Variants in PLAGL2 observed in about 807,000 individuals in gnomAD.
The protein encoded by PLAGL2 is PLAG1 like zinc finger 2.
PLAGL2 carries 7 observed loss-of-function variants against 29.0 expected under a neutral mutation model. The ratio of observed to expected loss-of-function variants is 0.24; its 90% CI spans 0.14 to 0.45. The LOEUF is 0.45. Among genes scored for constraint, PLAGL2 ranks in the 20% least tolerant of loss-of-function variants. PLAGL2 has a pLI of 0.99. For synonymous variants in PLAGL2, 234 were observed against 266.0 expected (o/e 0.88, Z 1.17); for missense variants, 454 against 648.2 (o/e 0.70, Z 3.25).
chr20:32,199,404 G>A (rs1346918894), intron 2 of PLAGL2, among the ~76,000 whole-genome samples: 1 of 152,204 alleles, frequency 6.6e-6, no homozygotes, highest in African/African-American at 2.4e-5. Flanking sequence ...TTTTGCAGGT[G>A]AGGAAACTGA....
At chr20:32,201,215 T>G (rs1233644881) in intron 2 of PLAGL2, among the ~76,000 whole-genome samples, 3 of 152,170 alleles carry the variant, frequency 2.0e-5, no homozygotes, top group Admixed American at 2.0e-4. Flanking sequence ...CCTTCTAAAG[T>G]TCGAATACTG....
Position 32,193,338 on chromosome 20 carries a change from T to G in PLAGL2, c.*3114A>C, listed in dbSNP as rs2047210813. 6.6e-6 allele frequency: 1 copy of G among 152,188 alleles called. No homozygotes were observed. The highest frequency in any genetic ancestry group is 1.5e-5 in the Non-Finnish European group (1 of 68,038). 9.4% of individuals were successfully genotyped at this position (152,188 alleles called of 1,614,324 possible). A position where few individuals can be genotyped will look rare whatever the true frequency, so the allele number is the denominator to read the frequency against. ...CTACGAGCAAAAAAGTAATCACACCTGCTTCCCGGATTTTCAATTAAGAAA... is the reference window on the plus strand; with the variant it reads ...CTACGAGCAAAAAAGTAATCACACCGGCTTCCCGGATTTTCAATTAAGAAA... On this transcript the variant is annotated 3_prime_UTR_variant, in exon 3 of 3. Coordinates refer to ENST00000246229, the MANE Select transcript of PLAGL2 (RefSeq NM_002657.3).
intron 2 of PLAGL2, among the ~76,000 whole-genome samples, chr20:32,199,378 C>T (rs1349609023): frequency 1.3e-5 from 2 of 152,200 alleles, no homozygotes; most frequent in Non-Finnish European, 2.9e-5. Context: ...GAGTGATCCA[C>T]TTTTCATTTC....
At position 32,207,706 on chromosome 20, in the gene PLAGL2, G is replaced by C. The variant is rs1353526701; in HGVS notation, c.-180C>G. The C allele has an allele frequency of 3.5e-6, 1 of 289,148 alleles. No individual in the cohort carries two copies. Among genetic ancestry groups the C allele is most frequent in the African/African-American group, 2.2e-5 (1 of 44,466 alleles). The allele number at this position is 289,148 out of a possible 1,614,324, so 17.9% of individuals were successfully genotyped here. A position where few individuals can be genotyped will look rare whatever the true frequency, so the allele number is the denominator to read the frequency against. ...GCTCCGCCAGGCCCCCTCAGGCCCC[G>C]GTAGTGGCGGCGGTCGGGCCATTGT... On this transcript the variant is annotated 5_prime_UTR_variant, in exon 1 of 3. Transcript: ENST00000246229.
In PLAGL2 at chr20:32,192,946, T is replaced by C. The variant is rs531568182; in HGVS notation, c.*3506A>G. On this transcript the variant is annotated 3_prime_UTR_variant, in exon 3 of 3. Transcript: ENST00000246229. ...CCTCTATGGAGGCACTAGGTTATCA[T>C]GGTGAACACCCTTTTCCCTCGCCAT... 16 of 152,732 alleles carry C rather than the reference T, an allele frequency of 1.0e-4. No individual in the cohort carries two copies. The highest frequency in any genetic ancestry group is 6.5e-4 in the Admixed American group (10 of 15,302). 9.5% of individuals were successfully genotyped at this position (152,732 alleles called of 1,614,324 possible).
chr20:32,205,598 T>C (rs1016887035), intron 1 of PLAGL2, among the ~76,000 whole-genome samples: 12 of 152,214 alleles, frequency 7.9e-5, no homozygotes, highest in African/African-American at 2.7e-4. Flanking sequence ...GATGAAACTA[T>C]AGTTTTTATG....
rs184828421 is a variant in PLAGL2 at position 32,192,630 on chromosome 20, C to T, written c.*3822G>A. 2.6e-5 allele frequency: 4 copies of T among 152,730 alleles called. No individual in the cohort carries two copies. Among genetic ancestry groups the T allele is most frequent in the Non-Finnish European group, 4.4e-5 (3 of 68,030 alleles). 9.5% of individuals were successfully genotyped at this position (152,730 alleles called of 1,614,324 possible). Reference sequence around the variant, plus strand: ...ATGCCCTGTGCATTTTCTAATGGCACTTATACTTTACAATTAAAAACCTTG... The same window carrying T: ...ATGCCCTGTGCATTTTCTAATGGCATTTATACTTTACAATTAAAAACCTTG... On this transcript the variant is annotated 3_prime_UTR_variant, in exon 3 of 3. Transcript: ENST00000246229.
intron 1 of PLAGL2, among the ~76,000 whole-genome samples, chr20:32,206,248 G>A (rs1255421208): frequency 2.6e-5 from 4 of 152,132 alleles, no homozygotes; most frequent in East Asian, 1.9e-4. Flanking sequence ...GAATGCTGTC[G>A]CCCCCTTCCC....
rs1398458476 is a variant in PLAGL2 at position 32,196,941 on chromosome 20, G to C, written c.1002C>G (p.Ser334=). 2 of 1,614,234 alleles carry C rather than the reference G, an allele frequency of 1.2e-6. No individual in the cohort carries two copies. The highest frequency in any genetic ancestry group is 2.2e-5 in the South Asian group (2 of 91,090). The change falls in exon 3 of 3, where the codon TCC becomes TCG. Residue 334 remains serine (S), a synonymous_variant. Transcript: ENST00000246229. ...SYPLESSPIS[S]PAQLPPKYQL... ...GGTATTTTGGAGGGAGCTGAGCTGG[G>C]GAAGAGATAGGTGAGGATTCCAGAG...
At position 32,197,540 on chromosome 20, in the gene PLAGL2, T is replaced by A; in HGVS notation, c.403A>T (p.Asn135Tyr). 1 of 1,614,240 alleles carries A rather than the reference T, an allele frequency of 6.2e-7. No individual in the cohort carries two copies. The highest frequency in any genetic ancestry group is 8.5e-7 in the Non-Finnish European group (1 of 1,180,046). The change falls in exon 3 of 3, where the codon AAT (asparagine) becomes TAT (tyrosine). Residue 135 changes from asparagine to tyrosine, a missense_variant. Asn to Tyr is a moderately radical substitution (Grantham distance 143). Transcript: ENST00000246229. The surrounding 1 kb of genome is among the most constrained non-coding windows in gnomAD (Gnocchi z 6.6). The part of the protein sequence containing the change: ...EALHCSECGK[N>Y]YNTKLGYRRH... ...CGGTAGCCCAGCTTCGTATTGTAAT[T>A]CTTACCGCACTCAGAGCAGTGGAGG...
chr20:32,197,201 T>C lies in PLAGL2; in HGVS notation c.742A>G (p.Lys248Glu). 1 of 1,614,242 alleles carries C rather than the reference T, an allele frequency of 6.2e-7. No homozygotes were observed. The highest frequency in any genetic ancestry group is 1.3e-5 in the African/African-American group (1 of 75,078). Reference protein sequence around the residue: ...VKKSHSQELLKIKTEPVDMLG... With the variant: ...VKKSHSQELLEIKTEPVDMLG... ...ATGTCCACGGGCTCTGTCTTGATCT[T>C]GAGCAGCTCCTGCGAGTGGCTCTTC... Residue 248 changes from lysine (K) to glutamate (E), a missense_variant, in exon 3 of 3, where the codon AAG becomes GAG. By Grantham distance (56) the Lys-to-Glu change is moderately conservative. Transcript: ENST00000246229. This position sits in a 1 kb window ranked among gnomAD's most constrained non-coding sequence, Gnocchi z 6.6.
Position 32,197,829 on chromosome 20 carries a change from T to C in PLAGL2, c.261-147A>G. On this transcript the variant is annotated intron_variant, in intron 2 of 2. Coordinates refer to ENST00000246229, the MANE Select transcript of PLAGL2 (RefSeq NM_002657.3). The surrounding 1 kb of genome is among the most constrained non-coding windows in gnomAD (Gnocchi z 6.6). ...CAATGCAATACCAAACCAGTTATAT[T>C]CTACAGATATCCTTGCCTATCTGCA... 1 of 645,862 alleles carries C rather than the reference T, an allele frequency of 1.5e-6. No homozygotes were observed. The highest frequency in any genetic ancestry group is 2.6e-6 in the Non-Finnish European group (1 of 377,548). 40.0% of individuals were successfully genotyped at this position (645,862 alleles called of 1,614,324 possible).
rs1600372930 is a variant in PLAGL2, at chr20:32,196,445, G to T, written c.*7C>A. ...GCCAAAAACTGAGCTGAGGGCCTCT[G>T]TGGGGGCTACTGGAATGCTTGATGG... On this transcript the variant is annotated 3_prime_UTR_variant, in exon 3 of 3. Coordinates refer to ENST00000246229, the MANE Select transcript of PLAGL2 (RefSeq NM_002657.3). 3 of 1,463,234 alleles carry T rather than the reference G, an allele frequency of 2.1e-6. No individual in the cohort carries two copies. In the East Asian group the frequency reaches 7.2e-5, roughly 35 times the overall value. 90.6% of individuals were successfully genotyped at this position (1,463,234 alleles called of 1,614,324 possible). A position where few individuals can be genotyped will look rare whatever the true frequency, so the allele number is the denominator to read the frequency against.
chr20:32,199,950 G>C (rs927899923), intron 2 of PLAGL2, among the ~76,000 whole-genome samples: 3 of 152,154 alleles, frequency 2.0e-5, no homozygotes, highest in African/African-American at 7.2e-5. Context: ...GAATTGTCAA[G>C]AGGGCAATCC....
In PLAGL2 at chr20:32,192,829, C is replaced by T. The variant is rs2047207761; in HGVS notation, c.*3623G>A. ...CATGAGAAGTGGTGTCTCAGGAGTTCTAGTGCCAAAGGTGGAGAGGTGCAA... is the reference window on the plus strand; with the variant it reads ...CATGAGAAGTGGTGTCTCAGGAGTTTTAGTGCCAAAGGTGGAGAGGTGCAA... On this transcript the variant is annotated 3_prime_UTR_variant, in exon 3 of 3. Transcript: ENST00000246229. The T allele has an allele frequency of 6.6e-6, 1 of 152,532 alleles. No homozygotes were observed. The highest frequency in any genetic ancestry group is 1.5e-5 in the Non-Finnish European group (1 of 68,046). The allele number at this position is 152,532 out of a possible 1,614,324, so 9.4% of individuals were successfully genotyped here.
In PLAGL2 at chr20:32,195,285, TC is replaced by T. The variant is rs1413813006; in HGVS notation, c.*1166del. The stretch of plus-strand genomic sequence containing the variant: ...CTCTTCTTCCAACAATTCCACAACT[TC>T]CCGGAAAAGGGACAGGTGGGAGGAA... On this transcript the variant is annotated 3_prime_UTR_variant, in exon 3 of 3. Coordinates refer to ENST00000246229, the MANE Select transcript of PLAGL2 (RefSeq NM_002657.3). 6.6e-6 allele frequency: 1 copy of T among 152,548 alleles called. No homozygotes were observed. The highest frequency in any genetic ancestry group is 2.4e-5 in the African/African-American group (1 of 41,394). The allele number at this position is 152,548 out of a possible 1,614,324, so 9.4% of individuals were successfully genotyped here.
rs376209696 is a variant in PLAGL2 at position 32,206,996 on chromosome 20, G to A, written c.-115+645C>T. On this transcript the variant is annotated intron_variant, in intron 1 of 2. Coordinates refer to ENST00000246229, the MANE Select transcript of PLAGL2 (RefSeq NM_002657.3). ...GATTATAAGGGCTGGAAGGCTGGGG[G>A]GATGGGGATAGTCAGAAGTGTATCC... is the stretch of plus-strand genomic sequence containing the variant. Among the ~76,000 whole-genome samples, 29 of 152,234 alleles carry A rather than the reference G, an allele frequency of 1.9e-4. 1 individual carries two copies. Among genetic ancestry groups the A allele is most frequent in the African/African-American group, 6.5e-4 (27 of 41,526 alleles).
rs959441559 is a variant in PLAGL2, at chr20:32,193,583, G to A, written c.*2869C>T. ...CTCATTGCTGGCAGAGGCTGGAGGT[G>A]GCAGGGAAAGGGGACATCACTTTTT... On this transcript the variant is annotated 3_prime_UTR_variant, in exon 3 of 3. Transcript: ENST00000246229. 6.6e-6 allele frequency: 1 copy of A among 152,402 alleles called. No individual in the cohort carries two copies. The highest frequency in any genetic ancestry group is 6.5e-5 in the Admixed American group (1 of 15,280). The allele number at this position is 152,402 out of a possible 1,614,324, so 9.4% of individuals were successfully genotyped here.
At chr20:32,201,885 T>A in intron 2 of PLAGL2, 34 bp downstream of exon 2, 1 of 1,584,220 alleles carries the variant, frequency 6.3e-7, no homozygotes, top group Non-Finnish European at 8.6e-7. Flanking sequence ...TCTGGGAACC[T>A]CAGGGCAGGA....
Sources: gnomAD v4.1 joint callset for allele counts (sites outside exome capture counted in the v4.1 genomes callset) on GRCh38, gnomAD v4.1.1 for gene constraint, Gnocchi (gnomAD v3.1) non-coding constraint, MANE v1.5 for transcripts, NCBI Gene and HGNC (gene_info 2026-07-23, HGNC 2026-07-21) for gene names.